Variants in EXOC4 observed in about 807,000 individuals in gnomAD.
EXOC4 encodes the protein SEC8-like 1.
A neutral mutation model predicts 107.2 loss-of-function variants in EXOC4; 71 were observed. That is an observed-to-expected ratio of 0.66 (90% CI 0.55 to 0.81). EXOC4 has a LOEUF of 0.81. Ranked by LOEUF, EXOC4 falls within the 30% of genes least tolerant of loss-of-function variation. EXOC4 has a pLI of 0.00. For missense variants in EXOC4, 1,108 were observed against 1,189.6 expected, an observed-to-expected ratio of 0.93 and a Z score of 1.01; for synonymous variants, 456 against 441.2, an observed-to-expected ratio of 1.03 and a Z score of -0.42.
At chr7:133,896,461 A>C (rs1288870939) in intron 12 of EXOC4, among the ~76,000 whole-genome samples, 1 of 152,154 alleles carries the variant, frequency 6.6e-6, no homozygotes. Flanking sequence ...GTACATAATC[A>C]GGTGCTACTT....
At chr7:133,741,289 G>T (rs929062827) in intron 10 of EXOC4, among the ~76,000 whole-genome samples, 5 of 152,086 alleles carry the variant, frequency 3.3e-5, no homozygotes, top group Admixed American at 1.3e-4. Flanking sequence ...TCCCCACCAG[G>T]CCTGAGCTGA....
chr7:133,489,653 C>T (rs1247646743), intron 9 of EXOC4, among the ~76,000 whole-genome samples: 2 of 152,136 alleles, frequency 1.3e-5, no homozygotes, highest in African/African-American at 4.8e-5. Context: ...CTTTTGTTTC[C>T]TGTGTTAAGG....
intron 14 of EXOC4, among the ~76,000 whole-genome samples, chr7:133,941,513 A>G (rs894738898): frequency 2.0e-5 from 3 of 152,082 alleles, no homozygotes; most frequent in African/African-American, 4.8e-5. Context: ...GTTTGCCTAA[A>G]TGTTTCTCTA....
chr7:133,824,976 A>G (rs1353048872), intron 11 of EXOC4, among the ~76,000 whole-genome samples: 3 of 152,138 alleles, frequency 2.0e-5, no homozygotes, highest in African/African-American at 7.2e-5. Flanking sequence ...TATTCAGTCC[A>G]CTACAACTCA....
rs1253414429 is a variant in EXOC4, at chr7:133,416,821, C to T, written c.1182+41819C>T. Among the ~76,000 whole-genome samples the T allele has an allele frequency of 3.9e-5, 6 of 152,040 alleles. No homozygotes were observed. In the East Asian group the frequency reaches 5.8e-4, roughly 15 times the overall value. On this transcript the variant is annotated intron_variant, in intron 7 of 17. Transcript: ENST00000253861. ...CTGCTTGCAGGGAGGGAAGCTAAGC[C>T]GATGTTGGAGTAGAGGAGGAGCTGA...
chr7:133,388,962 T>TG (rs747236493), intron 7 of EXOC4, among the ~76,000 whole-genome samples: 2 of 152,348 alleles, frequency 1.3e-5, no homozygotes, highest in East Asian at 3.9e-4. Context: ...TATTTATTTT[T>TG]GTCCTGTATC....
intron 10 of EXOC4, among the ~76,000 whole-genome samples, chr7:133,800,750 G>A (rs1037992850): frequency 1.3e-5 from 2 of 152,144 alleles, no homozygotes; most frequent in Non-Finnish European, 2.9e-5. Context: ...CAGTGTTGAC[G>A]TCTAGTCATA....
At chr7:133,265,196 A>C (rs907961652) in intron 1 of EXOC4, among the ~76,000 whole-genome samples, 3 of 152,050 alleles carry the variant, frequency 2.0e-5, no homozygotes, top group Non-Finnish European at 4.4e-5. Context: ...TCTCGGAGTG[A>C]GGTTCTGAAA....
chr7:133,607,951 A>T (rs1269751724), intron 9 of EXOC4, among the ~76,000 whole-genome samples: 1 of 152,238 alleles, frequency 6.6e-6, no homozygotes, highest in Admixed American at 6.5e-5. Context: ...CAAAATTGCT[A>T]TCAGTAAGTC....
chr7:133,514,245 GCCTCCA>G (rs1313783205), intron 9 of EXOC4, among the ~76,000 whole-genome samples: 1 of 151,558 alleles, frequency 6.6e-6, no homozygotes, highest in East Asian at 1.9e-4. Context: ...GCTCACTGCA[GCCTCCA>G]CCTCCCCGGT....
intron 10 of EXOC4, among the ~76,000 whole-genome samples, chr7:133,641,161 A>G (rs999380267): frequency 2.0e-5 from 3 of 152,210 alleles, no homozygotes; most frequent in African/African-American, 4.8e-5. Flanking sequence ...TATGGACCCA[A>G]TTGAGAGACC....
chr7:133,645,086 C>CTTTTTTTTTTTTTTTTTT (rs35058872), intron 10 of EXOC4, among the ~76,000 whole-genome samples: 3 of 123,966 alleles, frequency 2.4e-5, no homozygotes, highest in Non-Finnish European at 3.2e-5. Context: ...CTTCTGCCAC[C>CTTTTTTTTTTTTTTTTTT]TTTTTTTTTT....
At chr7:133,722,617 C>T (rs1585102767) in intron 10 of EXOC4, among the ~76,000 whole-genome samples, 1 of 152,194 alleles carries the variant, frequency 6.6e-6, no homozygotes, top group Non-Finnish European at 1.5e-5. Flanking sequence ...CGTACTTCAC[C>T]TTGAATTTTA....
chr7:134,089,286 A>G, the EXOC4 span, among the ~76,000 whole-genome samples: 1 of 152,228 alleles, frequency 6.6e-6, no homozygotes, highest in African/African-American at 2.4e-5. Context: ...AGGCATAAAA[A>G]AATCCACATT....
At chr7:133,666,915 C>T (rs964492223) in intron 10 of EXOC4, among the ~76,000 whole-genome samples, 4 of 152,116 alleles carry the variant, frequency 2.6e-5, no homozygotes, top group African/African-American at 9.7e-5. Flanking sequence ...TTAGAGGGTG[C>T]AAGTACAGAT....
chr7:133,407,834 T>C (rs767108338), intron 7 of EXOC4, among the ~76,000 whole-genome samples: 1 of 152,218 alleles, frequency 6.6e-6, no homozygotes, highest in African/African-American at 2.4e-5. Flanking sequence ...CCTAGATTTC[T>C]AGATGCACAC....
intron 7 of EXOC4, among the ~76,000 whole-genome samples, chr7:133,431,211 C>T (rs1235952269): frequency 6.6e-6 from 1 of 152,140 alleles, no homozygotes; most frequent in African/African-American, 2.4e-5. Context: ...CATTGCTGAC[C>T]TGATACAGAA....
intron 9 of EXOC4, among the ~76,000 whole-genome samples, chr7:133,571,140 A>C (rs957291259): frequency 1.3e-5 from 2 of 152,196 alleles, no homozygotes; most frequent in African/African-American, 4.8e-5. Flanking sequence ...TGATTATTAA[A>C]TGATTACTTA....
At chr7:133,613,242 T>C (rs764262325) in intron 9 of EXOC4, among the ~76,000 whole-genome samples, 13 of 152,062 alleles carry the variant, frequency 8.5e-5, no homozygotes, top group Non-Finnish European at 1.9e-4. Context: ...CCATTCACAG[T>C]AGAAAGAAAT....
Sources: allele counts gnomAD v4.1 joint callset (sites outside exome capture counted in the v4.1 genomes callset), GRCh38; gene constraint gnomAD v4.1.1; transcripts MANE v1.5; gene names NCBI Gene and HGNC (gene_info 2026-07-23, HGNC 2026-07-21).